Variants in BRINP2 observed in about 807,000 individuals in gnomAD.
BRINP2 encodes the protein BMP/retinoic acid inducible neural specific 2.
In BRINP2, 21 loss-of-function variants were observed where a neutral mutation model predicts 69.2. That is an observed-to-expected ratio of 0.30 (90% CI 0.22 to 0.44). BRINP2 has a LOEUF of 0.44. BRINP2 is among the 20% of genes least tolerant of loss of function. The pLI is 1.00. For synonymous variants in BRINP2, 380 were observed against 394.1 expected (o/e 0.96, Z 0.42); for missense variants, 877 against 986.0 (o/e 0.89, Z 1.48).
At chr1:177,182,519 G>A (rs1648291466) in intron 1 of BRINP2, among the ~76,000 whole-genome samples, 1 of 152,128 alleles carries the variant, frequency 6.6e-6, no homozygotes, top group African/African-American at 2.4e-5. Context: ...ATGTTTGGAG[G>A]CTTTATGCAA....
At chr1:177,184,588 A>G (rs1320033137) in intron 1 of BRINP2, among the ~76,000 whole-genome samples, 1 of 151,920 alleles carries the variant, frequency 6.6e-6, no homozygotes, top group Non-Finnish European at 1.5e-5. Flanking sequence ...GCCAAGTAGT[A>G]TGTCTACTTC....
At chr1:177,276,518 T>TTGAGGATCCCCA in intron 6 of BRINP2, 84 bp downstream of exon 6, 7 of 1,265,212 alleles carry the variant, frequency 5.5e-6, no homozygotes, top group Non-Finnish European at 6.8e-6. Context: ...AACTTGAGAG[T>TTGAGGATCCCCA]TGAGGATCCT....
intron 1 of BRINP2, among the ~76,000 whole-genome samples, chr1:177,180,790 G>A (rs1478271032): frequency 6.6e-6 from 1 of 152,098 alleles, no homozygotes; most frequent in Non-Finnish European, 1.5e-5. Context: ...TCTTTAAAAA[G>A]CAAAACTTGT....
chr1:177,248,310 T>C (rs1380195837), intron 2 of BRINP2, among the ~76,000 whole-genome samples: 3 of 152,138 alleles, frequency 2.0e-5, no homozygotes, highest in African/African-American at 7.2e-5. Context: ...CTCCAGTGAG[T>C]GTTCCCTTTG....
chr1:177,175,490 C>T (rs1318243114), intron 1 of BRINP2, among the ~76,000 whole-genome samples: 6 of 152,284 alleles, frequency 3.9e-5, no homozygotes, highest in South Asian at 2.1e-4. Context: ...CAAGGCAAAG[C>T]GCAGGGCCTG....
chr1:177,267,404 G>A (rs1457243596), intron 4 of BRINP2, among the ~76,000 whole-genome samples: 4 of 152,034 alleles, frequency 2.6e-5, no homozygotes, highest in East Asian at 3.9e-4. Flanking sequence ...TCTGTACCTC[G>A]ATGACTTCAA....
intron 1 of BRINP2, among the ~76,000 whole-genome samples, chr1:177,210,207 C>T (rs1251379569): frequency 6.6e-6 from 1 of 152,160 alleles, no homozygotes; most frequent in Non-Finnish European, 1.5e-5. Flanking sequence ...TTATCTAGTG[C>T]TTTTCAGTCA....
intron 2 of BRINP2, among the ~76,000 whole-genome samples, chr1:177,243,763 A>C (rs1353688860): frequency 1.3e-5 from 2 of 152,234 alleles, no homozygotes; most frequent in Non-Finnish European, 2.9e-5. Flanking sequence ...TATGAGAGAC[A>C]TAAAAGGAGA....
At chr1:177,175,250 C>A (rs950498767) in intron 1 of BRINP2, among the ~76,000 whole-genome samples, 5 of 151,688 alleles carry the variant, frequency 3.3e-5, no homozygotes, top group African/African-American at 9.7e-5. Context: ...AAAACATACA[C>A]TGTAGCAGCC....
At chr1:177,257,043 G>C (rs918924254) in intron 3 of BRINP2, 133 bp from the exon 4 acceptor site, 1 of 1,551,678 alleles carries the variant, frequency 6.4e-7, no homozygotes, top group Non-Finnish European at 8.7e-7. Context: ...GGTAAGGGCT[G>C]GGGGAAGAGC....
chr1:177,255,821 T>A, intron 2 of BRINP2, 98 bp from the exon 3 acceptor site: 1 of 1,253,394 alleles, frequency 8.0e-7, no homozygotes, highest in Non-Finnish European at 1.1e-6. Flanking sequence ...AGGAGATGAG[T>A]GGCTGCAAGT....
chr1:177,274,873 C>T (rs1015020768), intron 5 of BRINP2, among the ~76,000 whole-genome samples: 1 of 152,094 alleles, frequency 6.6e-6, no homozygotes, highest in Non-Finnish European at 1.5e-5. Flanking sequence ...TGGAGGTAGA[C>T]CTCAAGAAAG....
chr1:177,267,795 A>G (rs757688476), intron 4 of BRINP2, among the ~76,000 whole-genome samples: 1 of 152,200 alleles, frequency 6.6e-6, no homozygotes, highest in Admixed American at 6.5e-5. Flanking sequence ...CATTTTTTAT[A>G]GTGCCTATTA....
intron 1 of BRINP2, among the ~76,000 whole-genome samples, chr1:177,176,930 T>C (rs1648105693): frequency 6.6e-6 from 1 of 152,162 alleles, no homozygotes; most frequent in South Asian, 2.1e-4. Context: ...AACTAATCTT[T>C]AGGGTCTTAC....
chr1:177,253,086 A>G lies in BRINP2; in HGVS notation c.270-2833A>G, dbSNP rs566805940. Among the ~76,000 whole-genome samples the G allele has an allele frequency of 2.6e-5, 4 of 152,216 alleles. No individual in the cohort carries two copies. In the East Asian group the frequency reaches 7.7e-4, roughly 29 times the overall value. ...CCTAGTAGTGAGATTGCTAGATCATATGTTAGTTCTATTTTTAGTTTTCTG... is the reference window on the plus strand; with the variant it reads ...CCTAGTAGTGAGATTGCTAGATCATGTGTTAGTTCTATTTTTAGTTTTCTG... On this transcript the variant is annotated intron_variant, in intron 2 of 7. Coordinates refer to ENST00000361539, the MANE Select transcript of BRINP2 (RefSeq NM_021165.4).
chr1:177,232,467 A>G (rs998178260), intron 2 of BRINP2, among the ~76,000 whole-genome samples: 1 of 152,214 alleles, frequency 6.6e-6, no homozygotes, highest in Non-Finnish European at 1.5e-5. Flanking sequence ...TCATTCTGAC[A>G]GGAGTGTAGT....
At chr1:177,209,203 G>A (rs746013296) in intron 1 of BRINP2, among the ~76,000 whole-genome samples, 226 of 150,888 alleles carry the variant, frequency 1.5e-3, no homozygotes, top group Non-Finnish European at 2.4e-3. Context: ...GGGGTTCTAA[G>A]TTAGGATATT....
intron 4 of BRINP2, among the ~76,000 whole-genome samples, chr1:177,263,030 T>C (rs1651007831): frequency 6.6e-6 from 1 of 152,042 alleles, no homozygotes; most frequent in Non-Finnish European, 1.5e-5. Context: ...TGGCGAAAGA[T>C]AAAAGAGGGA....
rs111533745 is a variant in BRINP2, at chr1:177,179,772, G to T, written c.-77+8040G>T. Among the ~76,000 whole-genome samples the T allele has an allele frequency of 5.0e-3, 762 of 152,246 alleles. 6 individuals carry two copies. The highest frequency in any genetic ancestry group is 0.018 in the African/African-American group (738 of 41,538). On this transcript the variant is annotated intron_variant, in intron 1 of 7. Transcript: ENST00000361539. ...GGAAAAGAAAATTATTTTTTAACAA[G>T]ATGAGAAGTGAATTGGACTGGAGGG... is the stretch of plus-strand genomic sequence containing the variant.
Sources: gnomAD v4.1 joint callset for allele counts (sites outside exome capture counted in the v4.1 genomes callset) on GRCh38, gnomAD v4.1.1 for gene constraint, MANE v1.5 for transcripts, NCBI Gene and HGNC (gene_info 2026-07-23, HGNC 2026-07-21) for gene names.